Variants in NCALD observed in about 807,000 individuals in gnomAD.
NCALD encodes the protein neurocalcin delta.
Under a neutral mutation model 18.6 loss-of-function variants are expected in NCALD, and 10 were observed. The ratio of observed to expected loss-of-function variants is 0.54; its 90% CI spans 0.33 to 0.91. The LOEUF is 0.91. Among genes scored for constraint, NCALD ranks in the 40% least tolerant of loss-of-function variants. NCALD has a pLI of 0.03. For synonymous variants in NCALD, 88 were observed against 87.4 expected (o/e 1.01, Z -0.04); for missense variants, 184 against 247.6 (o/e 0.74, Z 1.72).
At chr8:102,054,516 A>G (rs554362597) in intron 1 of NCALD, among the ~76,000 whole-genome samples, 44 of 152,246 alleles carry the variant, frequency 2.9e-4, no homozygotes, top group African/African-American at 9.9e-4. Context: ...TTAGGCAGAA[A>G]AGATTGAGGT....
intron 1 of NCALD, among the ~76,000 whole-genome samples, chr8:101,759,739 TAC>T (rs1435544910): frequency 2.6e-5 from 4 of 152,156 alleles, no homozygotes; most frequent in African/African-American, 9.7e-5. Flanking sequence ...TTCCAGGAGC[TAC>T]AGTCACTTCC....
In NCALD at chr8:101,737,225, T is replaced by G. The variant is rs551335824; in HGVS notation, c.-19-17577A>C. Among the ~76,000 whole-genome samples the G allele has an allele frequency of 1.3e-4, 20 of 152,188 alleles. No individual in the cohort carries two copies. In the South Asian group the frequency reaches 2.9e-3, roughly 22 times the overall value. ...TCACCTCCTGAGTAGCTGGGACAAC[T>G]GGCATGCACCACCACACCTGACTAT... On this transcript the variant is annotated intron_variant, in intron 1 of 3. Transcript: ENST00000220931.
chr8:101,969,870 GCT>G (rs1200334502), intron 2 of NCALD, among the ~76,000 whole-genome samples: 1 of 152,180 alleles, frequency 6.6e-6, no homozygotes, highest in Non-Finnish European at 1.5e-5. Context: ...ACAGGCCCAA[GCT>G]CTTAGATTGA....
intron 4 of NCALD, among the ~76,000 whole-genome samples, chr8:101,875,159 T>C (rs367994654): frequency 6.6e-6 from 1 of 152,228 alleles, no homozygotes; most frequent in East Asian, 1.9e-4. Context: ...ACAAGTACTA[T>C]TATTTTTCAT....
chr8:101,889,930 G>T (rs1279524595), intron 3 of NCALD, among the ~76,000 whole-genome samples: 1 of 152,214 alleles, frequency 6.6e-6, no homozygotes, highest in African/African-American at 2.4e-5. Context: ...AGAAAATACA[G>T]GGAAACATCC....
intron 4 of NCALD, among the ~76,000 whole-genome samples, chr8:101,825,759 A>C (rs984227277): frequency 6.6e-6 from 1 of 151,272 alleles, no homozygotes; most frequent in African/African-American, 2.5e-5. Context: ...TCAGATATTA[A>C]ACATTTTAGG....
At chr8:101,973,174 T>A (rs1007716021) in intron 2 of NCALD, among the ~76,000 whole-genome samples, 33 of 152,146 alleles carry the variant, frequency 2.2e-4, no homozygotes, top group Non-Finnish European at 3.8e-4. Context: ...AGGACCACAC[T>A]TTGTTCAGAT....
At chr8:101,899,136 C>CAT (rs36035759) in intron 3 of NCALD, among the ~76,000 whole-genome samples, 10,278 of 151,952 alleles carry the variant, frequency 0.068, 717 homozygotes, top group African/African-American at 0.18. Context: ...ACATGTATTC[C>CAT]ATGTTTTTGA....
chr8:102,043,115 T>G (rs1050394867), intron 1 of NCALD, among the ~76,000 whole-genome samples: 1 of 151,892 alleles, frequency 6.6e-6, no homozygotes, highest in Non-Finnish European at 1.5e-5. Context: ...ACCTCACCTC[T>G]CACACAAGGA....
At chr8:101,825,994 G>T (rs1036921282) in intron 4 of NCALD, among the ~76,000 whole-genome samples, 14 of 152,180 alleles carry the variant, frequency 9.2e-5, no homozygotes, top group Non-Finnish European at 1.5e-4. Flanking sequence ...TTACCTGAAG[G>T]CTTGTCCCTT....
intron 2 of NCALD, among the ~76,000 whole-genome samples, chr8:102,000,415 A>G (rs931864520): frequency 6.6e-6 from 1 of 152,214 alleles, no homozygotes; most frequent in Non-Finnish European, 1.5e-5. Context: ...CTGCAGCTCA[A>G]GGAGGCCTGC....
intron 3 of NCALD, among the ~76,000 whole-genome samples, chr8:101,898,927 T>A (rs1380309763): frequency 6.6e-6 from 1 of 152,130 alleles, no homozygotes; most frequent in African/African-American, 2.4e-5. Context: ...CTTGTTGGAA[T>A]TTTTATAAGA....
intron 3 of NCALD, among the ~76,000 whole-genome samples, chr8:101,902,874 C>T (rs1817485983): frequency 6.6e-6 from 1 of 152,210 alleles, no homozygotes; most frequent in African/African-American, 2.4e-5. Flanking sequence ...CCTGACCTAA[C>T]TAAATACCAC....
intron 1 of NCALD, among the ~76,000 whole-genome samples, chr8:101,774,919 C>T (rs1457445997): frequency 6.6e-6 from 1 of 152,168 alleles, no homozygotes; most frequent in East Asian, 1.9e-4. Flanking sequence ...TTAGGGTGCC[C>T]AGATATCCAG....
chr8:101,863,265 C>T (rs914037734), intron 4 of NCALD, among the ~76,000 whole-genome samples: 2 of 152,186 alleles, frequency 1.3e-5, no homozygotes, highest in Admixed American at 6.5e-5. Flanking sequence ...ATTTTCTTAT[C>T]AACCTTGGGG....
At chr8:101,906,014 A>T (rs898866851) in intron 3 of NCALD, among the ~76,000 whole-genome samples, 1 of 152,216 alleles carries the variant, frequency 6.6e-6, no homozygotes, top group Non-Finnish European at 1.5e-5. Context: ...TATGTGATTC[A>T]TTTATGCAAA....
chr8:101,849,424 CTTGG>C (rs1815002688), intron 4 of NCALD, among the ~76,000 whole-genome samples: 1 of 152,028 alleles, frequency 6.6e-6, no homozygotes. Flanking sequence ...TTGTGACTAC[CTTGG>C]TTATTTATAA....
intron 1 of NCALD, among the ~76,000 whole-genome samples, chr8:101,778,733 G>C (rs1295927127): frequency 6.6e-6 from 1 of 152,072 alleles, no homozygotes; most frequent in East Asian, 1.9e-4. Context: ...ATCTCCTAGA[G>C]CTAAGGGACC....
At chr8:101,879,480 T>C (rs1312386011) in intron 4 of NCALD, among the ~76,000 whole-genome samples, 1 of 152,168 alleles carries the variant, frequency 6.6e-6, no homozygotes, top group Non-Finnish European at 1.5e-5. Flanking sequence ...CTGTGAGTGT[T>C]ACAGCTCATA....
Sources: allele counts gnomAD v4.1 joint callset (sites outside exome capture counted in the v4.1 genomes callset), GRCh38; gene constraint gnomAD v4.1.1; transcripts MANE v1.5; gene names NCBI Gene and HGNC (gene_info 2026-07-23, HGNC 2026-07-21).